FBXL4: variants seen among roughly 807,000 people sequenced by gnomAD.
The protein encoded by FBXL4 is F-box and leucine rich repeat protein 4.
Under a neutral mutation model 58.9 loss-of-function variants are expected in FBXL4, and 40 were observed. That is an observed-to-expected ratio of 0.68 (90% confidence interval 0.53 to 0.88). FBXL4 has a LOEUF of 0.88. Among genes scored for constraint, FBXL4 ranks in the 40% least tolerant of loss-of-function variants. The pLI is 0.00. For synonymous variants in FBXL4, 263 were observed against 265.5 expected, an observed-to-expected ratio of 0.99 and a Z score of 0.09; for missense variants, 676 against 734.4, an observed-to-expected ratio of 0.92 and a Z score of 0.92.
rs1312598949 is a variant in FBXL4 at position 98,899,487 on chromosome 6, A to G, written c.1104-6T>C. On this transcript the variant is annotated splice_region_variant and splice_polypyrimidine_tract_variant and intron_variant, in intron 6 of 9. Transcript: ENST00000369244. The stretch of plus-strand genomic sequence containing the variant: ...ATCCACAAACCTTCAGAAACCTGCC[A>G]AAACAACATTCTATGTGAATTTTAT... 2 of 1,609,206 alleles carry G rather than the reference A, an allele frequency of 1.2e-6. No individual in the cohort carries two copies. The highest frequency in any genetic ancestry group is 1.7e-5 in the Admixed American group (1 of 59,040).
intron 6 of FBXL4, among the ~76,000 whole-genome samples, chr6:98,902,262 T>C (rs1345216966): frequency 6.6e-6 from 1 of 152,120 alleles, no homozygotes; most frequent in Non-Finnish European, 1.5e-5. Context: ...TCTAAAACAA[T>C]ATATTCAAGA....
chr6:98,871,479 A>T lies in FBXL4; in HGVS notation c.*2799T>A, dbSNP rs1053310192. On this transcript the variant is annotated 3_prime_UTR_variant, in exon 10 of 10. Transcript: ENST00000369244. ...GCACAATTACAAGCATGAATATTTT[A>T]TAAGAAGAAAACACAAATTTCATGC... The T allele has an allele frequency of 1.3e-5, 2 of 152,226 alleles. No homozygotes were observed. Among genetic ancestry groups the T allele is most frequent in the Non-Finnish European group, 1.5e-5 (1 of 68,044 alleles). The allele number at this position is 152,226 out of a possible 1,614,324, so 9.4% of individuals were successfully genotyped here. A position where few individuals can be genotyped will look rare whatever the true frequency, so the allele number is the denominator to read the frequency against.
rs774709441 is a variant in FBXL4, at chr6:98,874,399, T to C, written c.1745A>G (p.Glu582Gly). 5 of 1,611,468 alleles carry C rather than the reference T, an allele frequency of 3.1e-6. No homozygotes were observed. The highest frequency in any genetic ancestry group is 4.2e-6 in the Non-Finnish European group (5 of 1,179,356). ...VSPASLRKLL[E>G]SCKDLSLLDV... The stretch of plus-strand genomic sequence containing the variant: ...AAGTAAAGAAAGATCTTTACAAGAT[T>C]CCAGGAGTTTTCTTAAGGATGCCGG... The change falls in exon 10 of 10, where the codon GAA (glutamate) becomes GGA (glycine). Residue 582 changes from glutamate (E) to glycine (G), a missense_variant. By Grantham distance (98) the Glu-to-Gly change is moderately conservative (BLOSUM62 -2). Coordinates refer to ENST00000369244, the MANE Select transcript of FBXL4 (RefSeq NM_001278716.2).
At chr6:98,898,625 T>C (rs925557964) in intron 7 of FBXL4, 2 of 983,112 alleles carry the variant, frequency 2.0e-6, no homozygotes, top group African/African-American at 1.8e-5. Flanking sequence ...AAAAAAACTA[T>C]GCACAGAAGA....
rs1426394361 is a variant in FBXL4, at chr6:98,926,779, A to G, written c.210T>C (p.Ser70=). ...CCAAATTCCACATAGTATAGGACAT[A>G]CTATTCTCACTTCCATAATGGGAAC... is the stretch of plus-strand genomic sequence containing the variant. ...DFSSHYGSEN[S]MSYTMWNLAG... The change falls in exon 4 of 10, where the codon AGT becomes AGC. Residue 70 remains serine, a synonymous_variant. Coordinates refer to ENST00000369244, the MANE Select transcript of FBXL4 (RefSeq NM_001278716.2). 1 of 1,614,222 alleles carries G rather than the reference A, an allele frequency of 6.2e-7. No individual in the cohort carries two copies. Among genetic ancestry groups the G allele is most frequent in the African/African-American group, 1.3e-5 (1 of 75,054 alleles).
At chr6:98,884,897 G>C (rs985192794) in intron 7 of FBXL4, among the ~76,000 whole-genome samples, 15 of 152,058 alleles carry the variant, frequency 9.9e-5, no homozygotes, top group African/African-American at 3.6e-4. Context: ...ATATGTCCAC[G>C]TGTTATTCTA....
At chr6:98,921,643 G>A (rs879623595) in intron 4 of FBXL4, among the ~76,000 whole-genome samples, 2 of 152,054 alleles carry the variant, frequency 1.3e-5, no homozygotes, top group Non-Finnish European at 1.5e-5. Context: ...ACAAACTCAT[G>A]TTTCTTGGCC....
intron 7 of FBXL4, among the ~76,000 whole-genome samples, chr6:98,890,239 T>C (rs891093979): frequency 6.6e-6 from 1 of 152,170 alleles, no homozygotes; most frequent in Non-Finnish European, 1.5e-5. Flanking sequence ...GATTCCAAAT[T>C]AGTATTCTCC....
chr6:98,896,736 G>A (rs1771424276), intron 7 of FBXL4: 1 of 899,206 alleles, frequency 1.1e-6, no homozygotes, highest in Non-Finnish European at 1.3e-6. Context: ...GTAACAGAGG[G>A]TACAACCTAA....
In FBXL4 at chr6:98,872,546, A is replaced by G. The variant is rs1770519168; in HGVS notation, c.*1732T>C. Reference sequence around the variant, plus strand: ...ATTAGTAAACCCGTATTACAAAAAAAATTGTTCTAAATTATTGTTTTGAAT... The same window carrying G: ...ATTAGTAAACCCGTATTACAAAAAAGATTGTTCTAAATTATTGTTTTGAAT... On this transcript the variant is annotated 3_prime_UTR_variant, in exon 10 of 10. Coordinates refer to ENST00000369244, the MANE Select transcript of FBXL4 (RefSeq NM_001278716.2). 1 of 152,188 alleles carries G rather than the reference A, an allele frequency of 6.6e-6. No homozygotes were observed. The highest frequency in any genetic ancestry group is 1.5e-5 in the Non-Finnish European group (1 of 68,034). 9.4% of individuals were successfully genotyped at this position (152,188 alleles called of 1,614,324 possible).
chr6:98,901,157 C>T (rs1209408102), intron 6 of FBXL4, among the ~76,000 whole-genome samples: 1 of 151,712 alleles, frequency 6.6e-6, no homozygotes, highest in Non-Finnish European at 1.5e-5. Context: ...TGAAAAGTGC[C>T]CAGGAGGAAA....
At chr6:98,909,258 C>T (rs995367369) in intron 5 of FBXL4, among the ~76,000 whole-genome samples, 8 of 152,148 alleles carry the variant, frequency 5.3e-5, no homozygotes, top group African/African-American at 1.7e-4. Context: ...GAAACCCAAA[C>T]AGACCTCTAT....
chr6:98,942,121 TAAATA>T (rs1334213271), intron 1 of FBXL4, among the ~76,000 whole-genome samples: 22 of 150,818 alleles, frequency 1.5e-4, no homozygotes, highest in Non-Finnish European at 3.1e-4. Flanking sequence ...AAAACAAAAT[TAAATA>T]AAAAATATTC....
intron 7 of FBXL4, among the ~76,000 whole-genome samples, chr6:98,887,880 G>A (rs1431495521): frequency 6.6e-6 from 1 of 152,148 alleles, no homozygotes; most frequent in Non-Finnish European, 1.5e-5. Context: ...ACAGTTTCAT[G>A]GCTTTCTCCA....
At chr6:98,886,783 T>C (rs963616650) in intron 7 of FBXL4, among the ~76,000 whole-genome samples, 2 of 152,320 alleles carry the variant, frequency 1.3e-5, no homozygotes, top group East Asian at 3.9e-4. Flanking sequence ...ATATACTTTT[T>C]GGTATATCTG....
chr6:98,928,431 C>T (rs376841973), intron 2 of FBXL4, among the ~76,000 whole-genome samples: 12 of 151,802 alleles, frequency 7.9e-5, no homozygotes, highest in South Asian at 2.1e-4. Flanking sequence ...TGGTTTCAAG[C>T]GATTCTCATG....
rs938704160 is a variant in FBXL4 at position 98,869,570 on chromosome 6, A to T, written c.*4708T>A. 6.6e-6 allele frequency: 1 copy of T among 152,528 alleles called. No homozygotes were observed. The highest frequency in any genetic ancestry group is 1.5e-5 in the Non-Finnish European group (1 of 68,298). The allele number at this position is 152,528 out of a possible 1,614,324, so 9.4% of individuals were successfully genotyped here. A position where few individuals can be genotyped will look rare whatever the true frequency, so the allele number is the denominator to read the frequency against. On this transcript the variant is annotated 3_prime_UTR_variant, in exon 10 of 10. Transcript: ENST00000369244. ...CTTGAGCCTGGGAGACTGAGGCTGC[A>T]GTAAGCTGAGATCATGCCACTGCAC... is the stretch of plus-strand genomic sequence containing the variant.
At chr6:98,887,153 C>A (rs958104543) in intron 7 of FBXL4, among the ~76,000 whole-genome samples, 6 of 152,092 alleles carry the variant, frequency 3.9e-5, no homozygotes, top group African/African-American at 1.4e-4. Context: ...GTGGTCCCAG[C>A]TACTTGGGAG....
chr6:98,918,606 G>A (rs907879829), intron 4 of FBXL4, among the ~76,000 whole-genome samples: 1 of 151,962 alleles, frequency 6.6e-6, no homozygotes, highest in Non-Finnish European at 1.5e-5. Context: ...ATACTCATAT[G>A]TCAGTTAACT....
Sources: allele counts gnomAD v4.1 joint callset (sites outside exome capture counted in the v4.1 genomes callset), GRCh38; gene constraint gnomAD v4.1.1; transcripts MANE v1.5; gene names NCBI Gene and HGNC (gene_info 2026-07-23, HGNC 2026-07-21).